The following JARID2 variants were observed in gnomAD, a reference collection of about 807,000 sequenced individuals.
JARID2 encodes the protein jumonji and AT-rich interaction domain containing 2.
In JARID2, 21 loss-of-function variants were observed where a neutral mutation model predicts 125.6. The observed-to-expected ratio is 0.17, with a 90% confidence interval of 0.12 to 0.24. The LOEUF is 0.24. JARID2 is among the 10% of genes least tolerant of loss of function. The pLI is 1.00. For missense variants in JARID2, 1,303 were observed against 1,639.6 expected (o/e 0.79, Z 3.55); for synonymous variants, 736 against 661.6 (o/e 1.11, Z -1.73).
intron 1 of JARID2, among the ~76,000 whole-genome samples, chr6:15,296,747 T>C (rs1174206802): frequency 1.3e-5 from 2 of 152,232 alleles, no homozygotes; most frequent in African/African-American, 4.8e-5. Flanking sequence ...GTCCCCATCG[T>C]CCTCTGAGCT....
At chr6:15,326,212 T>G (rs1326001856) in intron 1 of JARID2, among the ~76,000 whole-genome samples, 1 of 152,070 alleles carries the variant, frequency 6.6e-6, no homozygotes, top group Non-Finnish European at 1.5e-5. Flanking sequence ...GAAGCAAATC[T>G]CAGACATTTT....
At chr6:15,455,073 A>G (rs1377717117) in intron 4 of JARID2, among the ~76,000 whole-genome samples, 15 of 152,084 alleles carry the variant, frequency 9.9e-5, no homozygotes, top group Non-Finnish European at 2.9e-5. Context: ...TGTGCCGTCT[A>G]TAGTCCATCT....
intron 1 of JARID2, among the ~76,000 whole-genome samples, chr6:15,269,603 G>A (rs1760220843): frequency 6.7e-6 from 1 of 149,084 alleles, no homozygotes; most frequent in African/African-American, 2.5e-5. Flanking sequence ...TAGAGATGGG[G>A]TCTAGCATTG....
chr6:15,490,913 T>G (rs577675798), intron 6 of JARID2, among the ~76,000 whole-genome samples: 1 of 152,354 alleles, frequency 6.6e-6, no homozygotes, highest in African/African-American at 2.4e-5. Flanking sequence ...TGATTCTCAT[T>G]TCTTACGCTG....
At chr6:15,515,409 G>A (rs976851490) in intron 16 of JARID2, among the ~76,000 whole-genome samples, 1 of 152,136 alleles carries the variant, frequency 6.6e-6, no homozygotes, top group Non-Finnish European at 1.5e-5. Flanking sequence ...CTGTGAGGTG[G>A]CACCAGGTGG....
intron 1 of JARID2, among the ~76,000 whole-genome samples, chr6:15,286,991 T>C (rs886342399): frequency 1.3e-5 from 2 of 152,132 alleles, no homozygotes; most frequent in African/African-American, 4.8e-5. Context: ...GGCAGGCGCC[T>C]GTAATCCCAG....
chr6:15,277,752 A>C (rs1280754879), intron 1 of JARID2, among the ~76,000 whole-genome samples: 3 of 150,948 alleles, frequency 2.0e-5, no homozygotes, highest in Non-Finnish European at 4.4e-5. Flanking sequence ...TATTTGTCGT[A>C]ACTTACTAAT....
intron 3 of JARID2, among the ~76,000 whole-genome samples, chr6:15,443,860 T>G (rs982077721): frequency 3.3e-5 from 5 of 152,178 alleles, no homozygotes; most frequent in Non-Finnish European, 7.3e-5. Context: ...ACTCAGGTTT[T>G]GTGACACCAC....
intron 2 of JARID2, among the ~76,000 whole-genome samples, chr6:15,396,495 A>G (rs1765224641): frequency 6.6e-6 from 1 of 152,218 alleles, no homozygotes; most frequent in South Asian, 2.1e-4. Flanking sequence ...AAATTCATGT[A>G]GAATACAGTA....
At chr6:15,401,320 CT>C (rs1765425511) in intron 2 of JARID2, among the ~76,000 whole-genome samples, 1 of 152,208 alleles carries the variant, frequency 6.6e-6, no homozygotes, top group African/African-American at 2.4e-5. Flanking sequence ...GCATTAAGCT[CT>C]GTTGACCATT....
chr6:15,278,054 C>G (rs1235755598), intron 1 of JARID2, among the ~76,000 whole-genome samples: 3 of 150,622 alleles, frequency 2.0e-5, no homozygotes, highest in Non-Finnish European at 3.0e-5. Context: ...TTGAGATCAG[C>G]CTGGCCAACA....
chr6:15,487,335 G>T lies in JARID2; in HGVS notation c.699G>T (p.Arg233=). The T allele has an allele frequency of 6.2e-7, 1 of 1,614,146 alleles. No individual in the cohort carries two copies. Among genetic ancestry groups the T allele is most frequent in the Non-Finnish European group, 8.5e-7 (1 of 1,180,010 alleles). ...TCAATGGTTCCAGCAGGTCAACACGGGAGAAGGAACCTGTTCAAAAACACA... is the reference window on the plus strand; with the variant it reads ...TCAATGGTTCCAGCAGGTCAACACGTGAGAAGGAACCTGTTCAAAAACACA... The part of the protein sequence containing the change: ...HVFNGSSRST[R]EKEPVQKHKS... Residue 233 remains arginine (R), a synonymous_variant, in exon 6 of 18, where the codon CGG becomes CGT. Transcript: ENST00000341776.
At chr6:15,374,936 C>T (rs1764295774) in intron 2 of JARID2, among the ~76,000 whole-genome samples, 1 of 152,192 alleles carries the variant, frequency 6.6e-6, no homozygotes, top group Non-Finnish European at 1.5e-5. Flanking sequence ...CCCCTGTGTA[C>T]TTATCAGGAT....
intron 4 of JARID2, among the ~76,000 whole-genome samples, chr6:15,463,368 G>T (rs1581599214): frequency 6.6e-6 from 1 of 151,284 alleles, no homozygotes; most frequent in East Asian, 1.9e-4. Flanking sequence ...TTGTGTTTTT[G>T]CCATGCAGAG....
chr6:15,512,366 A>C lies in JARID2; in HGVS notation c.3111A>C (p.Thr1037=). 1 of 1,614,178 alleles carries C rather than the reference A, an allele frequency of 6.2e-7. No homozygotes were observed. Among genetic ancestry groups the C allele is most frequent in the South Asian group, 1.1e-5 (1 of 91,080 alleles). The change falls in exon 14 of 18, where the codon ACA becomes ACC. Residue 1037 remains threonine (T), a synonymous_variant. Coordinates refer to ENST00000341776, the MANE Select transcript of JARID2 (RefSeq NM_004973.4). The stretch of plus-strand genomic sequence containing the variant: ...TGCACTTTGCTACCACCCAGTGGAC[A>C]AGTATGGGCTTTGAGACCGCCAAGG... The part of the protein sequence containing the change: ...ETVHFATTQW[T]SMGFETAKEM...
rs1404229995 is a variant in JARID2 at position 15,521,801 on chromosome 6, T to G, written c.*1550T>G. The G allele has an allele frequency of 2.0e-5, 3 of 152,226 alleles. No homozygotes were observed. Among genetic ancestry groups the G allele is most frequent in the Admixed American group, 2.0e-4 (3 of 15,288 alleles). The allele number at this position is 152,226 out of a possible 1,614,324, so 9.4% of individuals were successfully genotyped here. On this transcript the variant is annotated 3_prime_UTR_variant, in exon 18 of 18. Coordinates refer to ENST00000341776, the MANE Select transcript of JARID2 (RefSeq NM_004973.4). ...TTTAACAATTACAGAAACAGTCAAGTGTTTTCCAATGTGGTTGTCCGGTTT... is the reference window on the plus strand; with the variant it reads ...TTTAACAATTACAGAAACAGTCAAGGGTTTTCCAATGTGGTTGTCCGGTTT...
chr6:15,517,450 G>A (rs1771618225), intron 17 of JARID2, among the ~76,000 whole-genome samples, 182 bp downstream of exon 17: 1 of 152,220 alleles, frequency 6.6e-6, no homozygotes, highest in Non-Finnish European at 1.5e-5. Context: ...ATCCCAGGGG[G>A]AGCGGGGTTC....
intron 5 of JARID2, among the ~76,000 whole-genome samples, 185 bp from the exon 6 acceptor site, chr6:15,487,122 A>G (rs1769909953): frequency 6.6e-6 from 1 of 152,176 alleles, no homozygotes; most frequent in East Asian, 1.9e-4. Flanking sequence ...ACTTGTTATC[A>G]CGAGAACAGC....
intron 7 of JARID2, among the ~76,000 whole-genome samples, chr6:15,499,390 G>A (rs1021914737): frequency 2.6e-5 from 4 of 152,308 alleles, no homozygotes; most frequent in East Asian, 3.9e-4. Context: ...TGATCGCAGC[G>A]GATGAGGATT....
Sources: gnomAD v4.1 joint callset for allele counts (sites outside exome capture counted in the v4.1 genomes callset) on GRCh38, gnomAD v4.1.1 for gene constraint, MANE v1.5 for transcripts, NCBI Gene and HGNC (gene_info 2026-07-23, HGNC 2026-07-21) for gene names.